The following CNTNAP5 variants were observed in gnomAD, a reference collection of about 807,000 sequenced individuals.
CNTNAP5 encodes the protein contactin associated protein family member 5.
CNTNAP5 carries 72 observed loss-of-function variants against 150.2 expected under a neutral mutation model. The ratio of observed to expected loss-of-function variants is 0.48; its 90% CI spans 0.40 to 0.58. CNTNAP5 has a LOEUF of 0.58. CNTNAP5 is among the 20% of genes least tolerant of loss of function. The probability of loss-of-function intolerance (pLI) is 0.00; values close to 1 mark genes in which losing one functional copy is unlikely to be tolerated. For missense variants in CNTNAP5, 1,636 were observed against 1,626.2 expected, an observed-to-expected ratio of 1.01 and a Z score of -0.10; for synonymous variants, 672 against 619.8, an observed-to-expected ratio of 1.08 and a Z score of -1.25.
intron 1 of CNTNAP5, among the ~76,000 whole-genome samples, chr2:124,205,766 T>G (rs1186650606): frequency 1.3e-5 from 2 of 152,346 alleles, no homozygotes; most frequent in Non-Finnish European, 1.5e-5. Context: ...GAGAATGGAC[T>G]AATACAGAGA....
At chr2:124,710,174 G>A (rs2105102443) in intron 13 of CNTNAP5, among the ~76,000 whole-genome samples, 1 of 152,248 alleles carries the variant, frequency 6.6e-6, no homozygotes, top group Middle Eastern at 3.4e-3. Context: ...CAGCTGGTTA[G>A]TGGGAATGTG....
chr2:124,556,218 C>T (rs756133094), intron 10 of CNTNAP5, among the ~76,000 whole-genome samples: 9 of 152,184 alleles, frequency 5.9e-5, no homozygotes, highest in Non-Finnish European at 1.2e-4. Context: ...ACCTTCCTGA[C>T]TCTGTCGCTT....
At position 124,242,309 on chromosome 2, in the gene CNTNAP5, C is replaced by T; in HGVS notation, c.297C>T (p.Ser99=). 1 of 1,613,062 alleles carries T rather than the reference C, an allele frequency of 6.2e-7. No individual in the cohort carries two copies. Among genetic ancestry groups the T allele is most frequent in the Non-Finnish European group, 8.5e-7 (1 of 1,179,622 alleles). ...TAVATQGRYG[S]SDWVTSYSLM... is the part of the protein sequence containing the mutation. ...TGGCCACGCAGGGAAGATACGGAAG[C>T]TCTGACTGGGTGACGAGTTACAGCC... Residue 99 remains serine, a synonymous_variant, in exon 3 of 24, where the codon AGC becomes AGT. Transcript: ENST00000682447.
chr2:124,175,909 T>C (rs1162013618), intron 1 of CNTNAP5, among the ~76,000 whole-genome samples: 1 of 152,248 alleles, frequency 6.6e-6, no homozygotes, highest in African/African-American at 2.4e-5. Flanking sequence ...AATATACTAG[T>C]GCCTGTGTCT....
At chr2:124,208,137 C>T in intron 1 of CNTNAP5, among the ~76,000 whole-genome samples, 1 of 152,032 alleles carries the variant, frequency 6.6e-6, no homozygotes, top group Non-Finnish European at 1.5e-5. Context: ...TATTTGAATA[C>T]CTGGTAGGTC....
chr2:124,762,900 C>G (rs1680988443), intron 14 of CNTNAP5, among the ~76,000 whole-genome samples: 2 of 151,998 alleles, frequency 1.3e-5, no homozygotes, highest in African/African-American at 4.8e-5. Context: ...GGAAAAATAC[C>G]TATCCCCTAG....
At chr2:124,145,876 T>C (rs1305340669) in intron 1 of CNTNAP5, among the ~76,000 whole-genome samples, 3 of 146,296 alleles carry the variant, frequency 2.1e-5, no homozygotes, top group Non-Finnish European at 4.5e-5. Context: ...TTTGGAGCTT[T>C]GAAGTTCATG....
intron 1 of CNTNAP5, among the ~76,000 whole-genome samples, chr2:124,196,340 T>C (rs1370147482): frequency 6.6e-6 from 1 of 152,160 alleles, no homozygotes; most frequent in African/African-American, 2.4e-5. Flanking sequence ...TCTGGCAGCA[T>C]CCGTTATCTC....
intron 1 of CNTNAP5, among the ~76,000 whole-genome samples, chr2:124,105,436 T>C (rs1315198774): frequency 6.6e-6 from 1 of 152,168 alleles, no homozygotes; most frequent in African/African-American, 2.4e-5. Context: ...CAACAGAGAA[T>C]TTGCACCGAT....
In CNTNAP5 at chr2:124,257,135, T is replaced by C. The variant is rs116567348; in HGVS notation, c.381+14742T>C. Among the ~76,000 whole-genome samples, 1,163 of 152,320 alleles carry C rather than the reference T, an allele frequency of 7.6e-3. 16 individuals are homozygous for C. Among genetic ancestry groups the C allele is most frequent in the African/African-American group, 0.026 (1,078 of 41,576 alleles). ...TTCCCTGGGGTTTTCAGAGATCATG[T>C]GTCCCTGTTGGAATTATGCTTCTGG... On this transcript the variant is annotated intron_variant, in intron 3 of 23. Transcript: ENST00000682447.
intron 3 of CNTNAP5, among the ~76,000 whole-genome samples, chr2:124,391,694 G>A (rs1029630589): frequency 2.0e-5 from 3 of 152,214 alleles, no homozygotes; most frequent in South Asian, 4.1e-4. Context: ...GCTGGCTCAC[G>A]CCTGTAATCC....
At chr2:124,758,284 A>T (rs1680884063) in intron 14 of CNTNAP5, among the ~76,000 whole-genome samples, 1 of 152,220 alleles carries the variant, frequency 6.6e-6, no homozygotes, top group Non-Finnish European at 1.5e-5. Flanking sequence ...AGGACAAGTC[A>T]TTCACAGAGT....
chr2:124,673,187 A>C (rs980873764), intron 13 of CNTNAP5, among the ~76,000 whole-genome samples: 2 of 152,142 alleles, frequency 1.3e-5, no homozygotes. Context: ...TACTACTAAC[A>C]ATAACAGTTC....
intron 1 of CNTNAP5, among the ~76,000 whole-genome samples, chr2:124,085,404 CT>C (rs1203284547): frequency 6.6e-6 from 1 of 151,168 alleles, no homozygotes; most frequent in Non-Finnish European, 1.5e-5. Flanking sequence ...TGCTTCATTC[CT>C]GATATTGGTT....
chr2:124,239,088 TG>T (rs1242987317), intron 2 of CNTNAP5, among the ~76,000 whole-genome samples: 2 of 152,190 alleles, frequency 1.3e-5, no homozygotes, highest in Admixed American at 1.3e-4. Context: ...TTGGTTAATT[TG>T]GGGGAGATTA....
chr2:124,419,995 T>TTC (rs1692058425), intron 4 of CNTNAP5, among the ~76,000 whole-genome samples: 5 of 133,442 alleles, frequency 3.7e-5, no homozygotes, highest in African/African-American at 5.6e-5. Flanking sequence ...TTTCTTTTTT[T>TTC]TTTTTTTTTT....
intron 11 of CNTNAP5, among the ~76,000 whole-genome samples, chr2:124,588,969 C>T (rs749649475): frequency 1.1e-4 from 16 of 152,096 alleles, no homozygotes; most frequent in Non-Finnish European, 2.1e-4. Flanking sequence ...GAGCCTGAAA[C>T]ATCTTTTGGG....
intron 14 of CNTNAP5, among the ~76,000 whole-genome samples, chr2:124,757,194 G>T (rs1193210792): frequency 1.3e-5 from 2 of 152,214 alleles, no homozygotes; most frequent in Admixed American, 6.5e-5. Flanking sequence ...TGTGAATGTG[G>T]AACAGAAGAG....
At chr2:124,119,643 C>T (rs1034266742) in intron 1 of CNTNAP5, among the ~76,000 whole-genome samples, 1 of 152,146 alleles carries the variant, frequency 6.6e-6, no homozygotes, top group African/African-American at 2.4e-5. Context: ...CATAGTGGCT[C>T]ATGCCTGAGA....
Sources: allele counts gnomAD v4.1 joint callset (sites outside exome capture counted in the v4.1 genomes callset), GRCh38; gene constraint gnomAD v4.1.1; transcripts MANE v1.5; gene names NCBI Gene and HGNC (gene_info 2026-07-23, HGNC 2026-07-21).